DOCK8: variants seen among roughly 807,000 people sequenced by gnomAD.
DOCK8 encodes the protein dedicator of cytokinesis 8, also known as dedicator of cytokinesis protein 8.
Under a neutral mutation model 245.6 loss-of-function variants are expected in DOCK8, and 141 were observed. The ratio of observed to expected loss-of-function variants is 0.57; its 90% CI spans 0.50 to 0.66. The LOEUF (loss-of-function observed/expected upper bound fraction) is 0.66. Among genes scored for constraint, DOCK8 ranks in the 30% least tolerant of loss-of-function variants. The probability of loss-of-function intolerance (pLI) is 0.00; values close to 1 mark genes in which losing one functional copy is unlikely to be tolerated. For missense variants in DOCK8, 2,965 were observed against 2,603.4 expected (o/e 1.14, Z -3.02); for synonymous variants, 1,168 against 970.2 (o/e 1.20, Z -3.79).
chr9:356,447 G>A (rs983908250), intron 14 of DOCK8, among the ~76,000 whole-genome samples: 75 of 151,080 alleles, frequency 5.0e-4, no homozygotes, highest in African/African-American at 1.7e-3. Context: ...GGAGAATAGC[G>A]TGAACCCAGG....
intron 1 of DOCK8, among the ~76,000 whole-genome samples, chr9:250,799 G>T (rs568165002): frequency 6.6e-6 from 1 of 152,326 alleles, no homozygotes; most frequent in South Asian, 2.1e-4. Context: ...CATTAAAACA[G>T]GACAGGAAGG....
chr9:214,677 G>C (rs369836093), upstream of DOCK8: 8 of 1,588,632 alleles, frequency 5.0e-6, no homozygotes, highest in African/African-American at 6.8e-5. Flanking sequence ...CGGCGGCCCC[G>C]GGCAGAGCGC....
chr9:371,621 C>T, intron 17 of DOCK8, 55 bp downstream of exon 17: 3 of 1,610,776 alleles, frequency 1.9e-6, no homozygotes, highest in African/African-American at 2.7e-5. Context: ...CATCTGAGGT[C>T]CCTGCAGAGA....
chr9:361,159 C>A (rs2052710905), intron 14 of DOCK8, among the ~76,000 whole-genome samples: 1 of 152,078 alleles, frequency 6.6e-6, no homozygotes, highest in Non-Finnish European at 1.5e-5. Context: ...AGAGCATAGA[C>A]TCCATCTCCA....
rs113203757 is a variant in DOCK8 at position 336,653 on chromosome 9, G to C, written c.1357G>C (p.Glu453Gln). 1 of 1,614,156 alleles carries C rather than the reference G, an allele frequency of 6.2e-7. No homozygotes were observed. The highest frequency in any genetic ancestry group is 8.5e-7 in the Non-Finnish European group (1 of 1,180,012). ...RRLSERALSL[E>Q]ENGVGSNFKT... is the part of the protein sequence containing the mutation. Reference sequence around the variant, plus strand: ...GCTTTCTGAAAGAGCCCTCTCCTTGGAGGAAAATGGGGTTGGATCCAACTT... The same window carrying C: ...GCTTTCTGAAAGAGCCCTCTCCTTGCAGGAAAATGGGGTTGGATCCAACTT... The change falls in exon 12 of 48, where the codon GAG becomes CAG. Residue 453 changes from glutamate (E) to glutamine (Q), a missense_variant. Glu to Gln is a conservative substitution (Grantham distance 29). Around this residue, in one of 3 missense-constraint regions of DOCK8, gnomAD observed 2,825 missense variants for 2,453.5 expected, o/e 1.15. Transcript: ENST00000432829.
chr9:445,518 CAGTTTTGGTGTTT>C (rs1449297140), intron 43 of DOCK8, among the ~76,000 whole-genome samples: 2 of 152,158 alleles, frequency 1.3e-5, no homozygotes, highest in Non-Finnish European at 2.9e-5. Context: ...CAGTAAAATT[CAGTTTTGGTGTTT>C]AGTTCTATGA....
rs142912969 is a variant in DOCK8 at position 417,121 on chromosome 9, C to G, written c.3701-947C>G. Among the ~76,000 whole-genome samples, 633 of 152,218 alleles carry G rather than the reference C, an allele frequency of 4.2e-3. 5 individuals are homozygous for G. Among genetic ancestry groups the G allele is most frequent in the African/African-American group, 0.014 (580 of 41,532 alleles). On this transcript the variant is annotated intron_variant, in intron 29 of 47. Coordinates refer to ENST00000432829, the MANE Select transcript of DOCK8 (RefSeq NM_203447.4). ...ACCAGCCTGGCCAACATGGCGAAAC[C>G]CTGTCTCCACTAAAAATACAAAAGT...
At chr9:228,240 A>G (rs1412093333) in intron 1 of DOCK8, among the ~76,000 whole-genome samples, 1 of 152,184 alleles carries the variant, frequency 6.6e-6, no homozygotes, top group Non-Finnish European at 1.5e-5. Flanking sequence ...CTTACAGAGG[A>G]AGGATGTGTT....
rs10738969 is a variant in DOCK8 at position 376,785 on chromosome 9, C to G, written c.2206-192C>G. 0.84 allele frequency among the ~76,000 whole-genome samples: 127,909 copies of G among 152,236 alleles called. 54,771 individuals carry two copies. Among genetic ancestry groups the G allele is most frequent in the South Asian group, 0.96 (4,652 of 4,824 alleles). On this transcript the variant is annotated intron_variant, in intron 19 of 47. Coordinates refer to ENST00000432829, the MANE Select transcript of DOCK8 (RefSeq NM_203447.4). ...CTTCTTTAGCTAATAATTATTGAAA[C>G]GTTCAACTTCATGCACCACATTCTA...
intron 1 of DOCK8, chr9:215,451 C>A: frequency 6.7e-7 from 1 of 1,494,486 alleles, no homozygotes; most frequent in South Asian, 1.3e-5. Flanking sequence ...AGTGAAGTGG[C>A]TGAAATTAGA....
intron 14 of DOCK8, among the ~76,000 whole-genome samples, chr9:352,131 G>C (rs1277825013): frequency 2.0e-5 from 3 of 152,124 alleles, no homozygotes; most frequent in Non-Finnish European, 2.9e-5. Flanking sequence ...TGGGAGGCAT[G>C]GTGCGGGTAG....
intron 4 of DOCK8, among the ~76,000 whole-genome samples, chr9:295,908 A>G (rs1272473161): frequency 1.3e-5 from 2 of 152,220 alleles, no homozygotes; most frequent in Non-Finnish European, 2.9e-5. Flanking sequence ...AATGCTGCCC[A>G]TGAAGGATAG....
intron 4 of DOCK8, among the ~76,000 whole-genome samples, chr9:292,919 GT>G (rs2049104888): frequency 6.6e-6 from 1 of 152,020 alleles, no homozygotes; most frequent in Admixed American, 6.6e-5. Flanking sequence ...TCCCTTATGT[GT>G]CTCCATTTGT....
intron 39 of DOCK8, among the ~76,000 whole-genome samples, chr9:437,183 G>C (rs192576591): frequency 3.3e-5 from 5 of 152,338 alleles, no homozygotes; most frequent in Admixed American, 3.3e-4. Context: ...CAGCCCGTCT[G>C]AGGAATGTGA....
At position 442,012 on chromosome 9, in the gene DOCK8, A is replaced by C; in HGVS notation, c.5490+3A>C. 1 of 1,613,968 alleles carries C rather than the reference A, an allele frequency of 6.2e-7. No homozygotes were observed. The highest frequency in any genetic ancestry group is 8.5e-7 in the Non-Finnish European group (1 of 1,180,008). ...CTGAGATCTCACATAGACTAGAGGT[A>C]AGAAAAGTGATTCTGTGCGCCTGAC... is the stretch of plus-strand genomic sequence containing the variant. On this transcript the variant is annotated splice_donor_region_variant and intron_variant, in intron 42 of 47. Coordinates refer to ENST00000432829, the MANE Select transcript of DOCK8 (RefSeq NM_203447.4).
intron 1 of DOCK8, among the ~76,000 whole-genome samples, chr9:218,615 G>A (rs989857251): frequency 1.3e-5 from 2 of 152,080 alleles, no homozygotes; most frequent in African/African-American, 4.8e-5. Flanking sequence ...GGAATTTAGT[G>A]CCTTTGTAGA....
chr9:318,861 G>A (rs563613065), intron 7 of DOCK8, among the ~76,000 whole-genome samples: 2 of 152,330 alleles, frequency 1.3e-5, no homozygotes, highest in African/African-American at 2.4e-5. Flanking sequence ...TAGATGCAGC[G>A]ACTATGTCAT....
chr9:310,076 T>G (rs1563906873), intron 5 of DOCK8, among the ~76,000 whole-genome samples: 1 of 152,094 alleles, frequency 6.6e-6, no homozygotes, highest in Non-Finnish European at 1.5e-5. Context: ...AAGACCAGCC[T>G]GGCCAACATG....
At chr9:388,501 T>C (rs2054048592) in intron 23 of DOCK8, among the ~76,000 whole-genome samples, 3 of 152,198 alleles carry the variant, frequency 2.0e-5, no homozygotes, top group South Asian at 4.1e-4. Context: ...CAAATTTTAA[T>C]GTACGCAAGA....
Sources: gnomAD v4.1 joint callset for allele counts (sites outside exome capture counted in the v4.1 genomes callset) on GRCh38, gnomAD v4.1.1 for gene constraint, gnomAD v4.1.1 regional missense constraint, MANE v1.5 for transcripts, NCBI Gene and HGNC (gene_info 2026-07-23, HGNC 2026-07-21) for gene names.